ADGRE3: variants seen among roughly 807,000 people sequenced by gnomAD.
The protein encoded by ADGRE3 is EGF-like module receptor 3.
In ADGRE3, 88 loss-of-function variants were observed where a neutral mutation model predicts 80.1. The observed-to-expected ratio is 1.10, with a 90% CI of 0.93 to 1.31. ADGRE3 has a LOEUF of 1.31. ADGRE3 is among the 40% of genes most tolerant of loss of function. ADGRE3 has a pLI of 0.00. For missense variants in ADGRE3, 715 were observed against 776.5 expected (o/e 0.92, Z 0.94); for synonymous variants, 281 against 294.8 (o/e 0.95, Z 0.48).
At chr19:14,636,644 C>A (rs892907026) in intron 11 of ADGRE3, among the ~76,000 whole-genome samples, 2 of 152,028 alleles carry the variant, frequency 1.3e-5, no homozygotes, top group Admixed American at 6.6e-5. Flanking sequence ...TGAAAACAAG[C>A]CAAACTTGCA....
chr19:14,662,903 C>CAA (rs1209543540), intron 3 of ADGRE3, among the ~76,000 whole-genome samples: 216 of 92,424 alleles, frequency 2.3e-3, no homozygotes, highest in African/African-American at 6.8e-3. Flanking sequence ...TCCATCTCTA[C>CAA]AAAAAAAAAA....
intron 3 of ADGRE3, 74 bp from the exon 4 acceptor site, chr19:14,662,192 G>T: frequency 6.7e-7 from 1 of 1,484,906 alleles, no homozygotes; most frequent in Non-Finnish European, 9.3e-7. Context: ...GTCAGGAGTT[G>T]TGCTCTTTCC....
At chr19:14,619,610 T>G (rs1261530091) in intron 15 of ADGRE3, 139 bp from the exon 16 acceptor site, 1 of 667,632 alleles carries the variant, frequency 1.5e-6, no homozygotes, top group African/African-American at 1.8e-5. Flanking sequence ...TCTCCTAGCA[T>G]TTAAAAATCC....
At chr19:14,615,701 A>G (rs62124011), downstream of ADGRE3, among the ~76,000 whole-genome samples, 121,270 of 150,780 alleles carry the variant, frequency 0.8, 48,827 homozygotes, top group Admixed American at 0.84. Flanking sequence ...GGCGAAAGTT[A>G]CAGTGAGCTG....
chr19:14,651,762 C>G (rs1971613848), intron 6 of ADGRE3, among the ~76,000 whole-genome samples: 1 of 152,120 alleles, frequency 6.6e-6, no homozygotes, highest in African/African-American at 2.4e-5. Context: ...ATGATATGGG[C>G]TGGGCACAGT....
chr19:14,662,059 T>C lies in ADGRE3; in HGVS notation c.259A>G (p.Asn87Asp), dbSNP rs1971960477. ...VYCGFNAVCYNVEGSFYCQCV... is the reference protein window; with the variant it reads ...VYCGFNAVCYDVEGSFYCQCV... ...TGACAGTAGAAACTTCCTTCGACATTGTAACACACAGCGTTAAATCCACAA... is the reference window on the plus strand; with the variant it reads ...TGACAGTAGAAACTTCCTTCGACATCGTAACACACAGCGTTAAATCCACAA... The change falls in exon 4 of 16, where the codon AAT (asparagine) becomes GAT (aspartate). Residue 87 changes from asparagine to aspartate, a missense_variant. Transcript: ENST00000253673. 1 of 1,614,166 alleles carries C rather than the reference T, an allele frequency of 6.2e-7. No homozygotes were observed. Among genetic ancestry groups the C allele is most frequent in the Non-Finnish European group, 8.5e-7 (1 of 1,179,980 alleles).
chr19:14,609,102 A>C, the ADGRE3 span, among the ~76,000 whole-genome samples: 1 of 152,004 alleles, frequency 6.6e-6, no homozygotes, highest in Non-Finnish European at 1.5e-5. Context: ...ACCTGGCGGA[A>C]CATTGGCTGC....
intron 1 of ADGRE3, 75 bp from the exon 2 acceptor site, chr19:14,668,927 G>A: frequency 7.2e-7 from 1 of 1,382,840 alleles, no homozygotes; most frequent in South Asian, 1.2e-5. Flanking sequence ...CCCAAGGACT[G>A]TGTATCAGTT....
chr19:14,620,461 T>TAGATGTATATTC (rs1970522440), intron 15 of ADGRE3, among the ~76,000 whole-genome samples: 3 of 136,454 alleles, frequency 2.2e-5, no homozygotes, highest in African/African-American at 5.5e-5. Flanking sequence ...TATATGAATA[T>TAGATGTATATTC]ATGAATATAT....
At chr19:14,628,053 G>A (rs1228293004) in intron 14 of ADGRE3, among the ~76,000 whole-genome samples, 3 of 151,878 alleles carry the variant, frequency 2.0e-5, no homozygotes, top group African/African-American at 4.8e-5. Flanking sequence ...ACTTGAACCC[G>A]GGAGGCAGAT....
At chr19:14,667,922 G>A (rs1056809364) in intron 2 of ADGRE3, among the ~76,000 whole-genome samples, 3 of 152,124 alleles carry the variant, frequency 2.0e-5, no homozygotes, top group African/African-American at 4.8e-5. Context: ...CTCCATAACT[G>A]TTTTCATCTT....
chr19:14,658,797 C>T (rs1047993974), intron 4 of ADGRE3, among the ~76,000 whole-genome samples: 6 of 151,950 alleles, frequency 3.9e-5, no homozygotes, highest in Admixed American at 6.6e-5. Context: ...TGCAATGGTG[C>T]GACCTAGGCT....
Position 14,639,608 on chromosome 19 carries a change from G to T in ADGRE3, c.1249-1268C>A, listed in dbSNP as rs945144818. On this transcript the variant is annotated intron_variant, in intron 10 of 15. Transcript: ENST00000253673. ...TTTTTGTTTTTTTTGTAGAGACAAG[G>T]TCTCACTATATTGCCCAGGATGGCC... Among the ~76,000 whole-genome samples, 3 of 152,118 alleles carry T rather than the reference G, an allele frequency of 2.0e-5. No individual in the cohort carries two copies. In the South Asian group the frequency reaches 6.2e-4, roughly 32 times the overall value.
chr19:14,619,453 G>T lies in ADGRE3; in HGVS notation c.1939C>A (p.Gln647Lys). Residue 647 changes from glutamine (Q) to lysine (K), a missense_variant, in exon 16 of 16, where the codon CAA (glutamine) becomes AAA (lysine). Gln to Lys is a moderately conservative substitution (Grantham distance 53). Transcript: ENST00000253673. ...TAGTTTTAATATTTTCTCTTCACTT[G>T]TCCTGGAAAAACATCCCCCTATAAA... ...KPSEGDVFPG[Q>K]VKRKY is the part of the protein sequence containing the mutation. 1 of 1,594,270 alleles carries T rather than the reference G, an allele frequency of 6.3e-7. No individual in the cohort carries two copies. Among genetic ancestry groups the T allele is most frequent in the Non-Finnish European group, 8.6e-7 (1 of 1,162,674 alleles).
chr19:14,672,999 C>A (rs1972296352), intron 1 of ADGRE3, among the ~76,000 whole-genome samples: 1 of 152,138 alleles, frequency 6.6e-6, no homozygotes, highest in South Asian at 2.1e-4. Context: ...CCTGGATAAC[C>A]AAAATTCACT....
intron 15 of ADGRE3, among the ~76,000 whole-genome samples, chr19:14,620,549 TATATATATA>T (rs1970557032): frequency 3.9e-4 from 1 of 2,552 alleles, no homozygotes; most frequent in African/African-American, 1.7e-3. Flanking sequence ...ATATATATAT[TATATATATA>T]TATATATATA....
At chr19:14,617,003 C>T (rs1046630769), downstream of ADGRE3, among the ~76,000 whole-genome samples, 3 of 150,616 alleles carry the variant, frequency 2.0e-5, no homozygotes, top group African/African-American at 7.3e-5. Flanking sequence ...CCATGTTGGT[C>T]AGGCTGGTCT....
intron 5 of ADGRE3, among the ~76,000 whole-genome samples, chr19:14,657,755 T>C (rs1425005194): frequency 6.6e-6 from 1 of 150,780 alleles, no homozygotes; most frequent in Admixed American, 6.6e-5. Flanking sequence ...ATTTTTTTGT[T>C]TGTTTGTTTG....
intron 11 of ADGRE3, among the ~76,000 whole-genome samples, chr19:14,637,826 G>C (rs1011842657): frequency 6.6e-6 from 1 of 151,866 alleles, no homozygotes; most frequent in Non-Finnish European, 1.5e-5. Context: ...ACCACACCTG[G>C]CCTCATTAAG....
Sources: gnomAD v4.1 joint callset for allele counts (sites outside exome capture counted in the v4.1 genomes callset) on GRCh38, gnomAD v4.1.1 for gene constraint, MANE v1.5 for transcripts, NCBI Gene and HGNC (gene_info 2026-07-23, HGNC 2026-07-21) for gene names.